The following YME1L1 variants were observed in gnomAD, a reference collection of about 807,000 sequenced individuals.
YME1L1 encodes the protein ATP-dependent zinc metalloprotease YME1L1.
In YME1L1, 39 loss-of-function variants were observed where a neutral mutation model predicts 90.4. That is an observed-to-expected ratio of 0.43 (90% CI 0.33 to 0.56). The LOEUF (loss-of-function observed/expected upper bound fraction) is 0.56. Among genes scored for constraint, YME1L1 ranks in the 20% least tolerant of loss-of-function variants. The pLI is 0.03. For synonymous variants in YME1L1, 284 were observed against 287.3 expected (o/e 0.99, Z 0.12); for missense variants, 617 against 868.4 (o/e 0.71, Z 3.64).
At chr10:27,149,338 T>C (rs575748563) in intron 1 of YME1L1, among the ~76,000 whole-genome samples, 2 of 152,286 alleles carry the variant, frequency 1.3e-5, no homozygotes, top group East Asian at 3.9e-4. Flanking sequence ...TGCACATGCA[T>C]AGAGAACAAC....
In YME1L1 at chr10:27,112,078, T is replaced by C. The variant is rs766202835; in HGVS notation, c.2050A>G (p.Lys684Glu). ...RAKHILKTHA[K>E]EHKNLAEALL... ...GCTTCTGCGAGATTCTTATGCTCCT[T>C]TGCATGAGTTTTCAAGATATGTTTT... The change falls in exon 19 of 19, where the codon AAG becomes GAG. Residue 684 changes from lysine to glutamate, a missense_variant. By Grantham distance (56) the Lys-to-Glu change is moderately conservative (BLOSUM62 1). Coordinates refer to ENST00000376016, the MANE Select transcript of YME1L1 (RefSeq NM_014263.4). 1 of 1,614,010 alleles carries C rather than the reference T, an allele frequency of 6.2e-7. No individual in the cohort carries two copies. Among genetic ancestry groups the C allele is most frequent in the East Asian group, 2.2e-5 (1 of 44,870 alleles).
intron 14 of YME1L1, among the ~76,000 whole-genome samples, chr10:27,118,782 A>C (rs1019246098): frequency 3.9e-5 from 6 of 152,230 alleles, no homozygotes; most frequent in Non-Finnish European, 7.3e-5. Flanking sequence ...CAAGATTTAA[A>C]ATCGAAATTA....
At chr10:27,139,577 A>G (rs1243518634) in intron 4 of YME1L1, among the ~76,000 whole-genome samples, 1 of 152,238 alleles carries the variant, frequency 6.6e-6, no homozygotes, top group African/African-American at 2.4e-5. Flanking sequence ...TCAAGATTCT[A>G]GAAGAATGCA....
intron 1 of YME1L1, among the ~76,000 whole-genome samples, chr10:27,152,473 T>A (rs2057231071): frequency 6.6e-6 from 1 of 152,188 alleles, no homozygotes; most frequent in Non-Finnish European, 1.5e-5. Context: ...TACATAAAAA[T>A]CCCTTTATCA....
Position 27,142,437 on chromosome 10 carries a change from T to C in YME1L1, c.380A>G (p.His127Arg), listed in dbSNP as rs550855751. The C allele has an allele frequency of 5.9e-6, 9 of 1,532,382 alleles. No homozygotes were observed. Among genetic ancestry groups the C allele is most frequent in the Non-Finnish European group, 7.9e-6 (9 of 1,139,862 alleles). The allele number at this position is 1,532,382 out of a possible 1,614,324, so 94.9% of individuals were successfully genotyped here. Residue 127 changes from histidine to arginine, a missense_variant, in exon 4 of 19, where the codon CAT becomes CGT. His to Arg is a conservative substitution (Grantham distance 29). Coordinates refer to ENST00000376016, the MANE Select transcript of YME1L1 (RefSeq NM_014263.4). ...AATGCTTTGAAGAGCTCTTGAATGATGTCGATACAAGCAAGAGGAACGTAA... is the reference window on the plus strand; with the variant it reads ...AATGCTTTGAAGAGCTCTTGAATGACGTCGATACAAGCAAGAGGAACGTAA... ...STLRSSCLYR[H>R]HSRALQSICS... is the part of the protein sequence containing the mutation.
chr10:27,140,798 C>G (rs2057079349), intron 4 of YME1L1, among the ~76,000 whole-genome samples: 1 of 152,072 alleles, frequency 6.6e-6, no homozygotes, highest in Non-Finnish European at 1.5e-5. Flanking sequence ...TTTTTTTAAG[C>G]TGTCTTTTCT....
At chr10:27,142,817 G>A (rs926175363) in intron 3 of YME1L1, among the ~76,000 whole-genome samples, 2 of 152,076 alleles carry the variant, frequency 1.3e-5, no homozygotes, top group Non-Finnish European at 2.9e-5. Flanking sequence ...CCAGGTTCAC[G>A]CCATTCTCCT....
chr10:27,136,188 C>G, intron 5 of YME1L1, 88 bp downstream of exon 5: 1 of 1,054,664 alleles, frequency 9.5e-7, no homozygotes, highest in Non-Finnish European at 1.4e-6. Context: ...GAATATCTAT[C>G]AGCCAACAAA....
Position 27,115,323 on chromosome 10 carries a change from C to CTT in YME1L1, c.1921-718_1921-717dup, listed in dbSNP as rs71386913. On this transcript the variant is annotated intron_variant, in intron 17 of 18. Transcript: ENST00000376016. ...ATGAGCAAGACAGAACATTTAAAAT[C>CTT]TTTTTTTTTTTTTTTGGAGACAGGG... 1.4e-3 allele frequency among the ~76,000 whole-genome samples: 200 copies of CTT among 142,398 alleles called. 1 individual carries two copies. The highest frequency in any genetic ancestry group is 4.0e-3 in the African/African-American group (154 of 38,922). The allele number at this position is 142,398 out of a possible 152,430, so 93.4% of individuals were successfully genotyped here. A position where few individuals can be genotyped will look rare whatever the true frequency, so the allele number is the denominator to read the frequency against.
intron 2 of YME1L1, chr10:27,146,219 G>C (rs921675332): frequency 2.6e-5 from 4 of 152,088 alleles, no homozygotes; most frequent in African/African-American, 9.7e-5. Flanking sequence ...ACAAAGAAAT[G>C]GTATGCTTGG....
chr10:27,123,967 A>G (rs148284377), intron 9 of YME1L1, among the ~76,000 whole-genome samples: 22 of 152,212 alleles, frequency 1.4e-4, no homozygotes, highest in African/African-American at 4.8e-4. Flanking sequence ...AAAAAAATAT[A>G]AACCCATTTA....
chr10:27,152,698 G>C (rs1229180852), intron 1 of YME1L1, among the ~76,000 whole-genome samples: 1 of 151,928 alleles, frequency 6.6e-6, no homozygotes, highest in African/African-American at 2.4e-5. Flanking sequence ...GCATTCATCT[G>C]ATCAAACCCA....
Position 27,134,966 on chromosome 10 carries a change from C to T in YME1L1, c.556G>A (p.Asp186Asn). ...PSFVKGFLLR[D>N]RGSDVESLDK... ...AAACTCTCAACATCTGATCCTCTGT[C>T]CCGCAAAAGAAACCCCTGAATACAC... is the stretch of plus-strand genomic sequence containing the variant. Residue 186 changes from aspartate to asparagine, a missense_variant, in exon 6 of 19, where the codon GAC becomes AAC. Transcript: ENST00000376016. 1 of 1,612,478 alleles carries T rather than the reference C, an allele frequency of 6.2e-7. No homozygotes were observed. The highest frequency in any genetic ancestry group is 2.2e-5 in the East Asian group (1 of 44,852).
At chr10:27,140,289 G>A (rs2057073602) in intron 4 of YME1L1, among the ~76,000 whole-genome samples, 1 of 152,094 alleles carries the variant, frequency 6.6e-6, no homozygotes, top group East Asian at 1.9e-4. Context: ...ACAGGCATAA[G>A]CCACTGCATC....
intron 4 of YME1L1, among the ~76,000 whole-genome samples, chr10:27,141,177 C>G (rs571441835): frequency 6.6e-6 from 1 of 152,092 alleles, no homozygotes; most frequent in African/African-American, 2.4e-5. Context: ...GGCGGATCAC[C>G]TAAGGTCAGG....
In YME1L1 at chr10:27,145,481, G is replaced by C. The variant is rs763523826; in HGVS notation, c.278C>G (p.Ser93Cys). Residue 93 changes from serine to cysteine, a missense_variant, in exon 3 of 19, where the codon TCC (serine) becomes TGC (cysteine). Physicochemically the swap from Ser to Cys is moderately radical, Grantham distance 112. This residue lies in a region of YME1L1 where 311 missense variants were observed against 335.8 expected (regional missense o/e 0.93). Transcript: ENST00000376016. ...AGAGACATGGGATGTATGCCAATGG[G>C]AAGAAATGTTTTTGCCTTTACAAAA... is the stretch of plus-strand genomic sequence containing the variant. Reference protein sequence around the residue: ...PGFCKGKNISSHWHTSHVSAQ... With the variant: ...PGFCKGKNISCHWHTSHVSAQ... 5.6e-6 allele frequency: 9 copies of C among 1,613,500 alleles called. No homozygotes were observed. The highest frequency in any genetic ancestry group is 1.7e-4 in the Middle Eastern group (1 of 6,056).
chr10:27,140,991 T>C (rs755753867), intron 4 of YME1L1, among the ~76,000 whole-genome samples: 1 of 152,210 alleles, frequency 6.6e-6, no homozygotes, highest in East Asian at 1.9e-4. Flanking sequence ...ATTAACTATT[T>C]CTTTAGAGGG....
At chr10:27,153,325 AG>A (rs2057251952) in intron 1 of YME1L1, 2 of 461,950 alleles carry the variant, frequency 4.3e-6, no homozygotes, top group Non-Finnish European at 8.8e-6. Context: ...GGGGAGTAAA[AG>A]TTACACAAAG....
chr10:27,128,617 T>C (rs901450700), intron 8 of YME1L1, among the ~76,000 whole-genome samples: 82 of 151,728 alleles, frequency 5.4e-4, no homozygotes, highest in African/African-American at 2.0e-3. Flanking sequence ...AAAAGAAAGA[T>C]AAATCAGCTG....
Sources: allele counts gnomAD v4.1 joint callset (sites outside exome capture counted in the v4.1 genomes callset), GRCh38; gene constraint gnomAD v4.1.1; regional missense constraint gnomAD v4.1.1; transcripts MANE v1.5; gene names NCBI Gene and HGNC (gene_info 2026-07-23, HGNC 2026-07-21).